KLF8: variants seen among roughly 807,000 people sequenced by gnomAD.
The protein encoded by KLF8 is KLF transcription factor 8.
Under a neutral mutation model 18.2 loss-of-function variants are expected in KLF8, and 10 were observed. The ratio of observed to expected loss-of-function variants is 0.55; its 90% CI spans 0.34 to 0.93. The LOEUF is 0.93. Ranked by LOEUF, KLF8 falls within the 40% of genes least tolerant of loss-of-function variation. KLF8 has a pLI of 0.02. For missense variants in KLF8, 264 were observed against 277.9 expected (o/e 0.95, Z 0.36); for synonymous variants, 109 against 97.3 (o/e 1.12, Z -0.71).
At chrX:56,051,598 C>G in the KLF8 span, among the ~76,000 whole-genome samples, 2 of 110,975 alleles carry the variant, frequency 1.8e-5, no homozygotes, top group Non-Finnish European at 3.8e-5. Context: ...ATATTGGCCC[C>G]CATTCTCTTC....
the KLF8 span, among the ~76,000 whole-genome samples, chrX:55,936,857 G>A: frequency 4.9e-5 from 2 of 41,026 alleles, no homozygotes; most frequent in African/African-American, 2.3e-4. Flanking sequence ...CGAGGCTTGA[G>A]TAGTAAACAA....
the KLF8 span, among the ~76,000 whole-genome samples, chrX:56,096,673 C>G: frequency 9.0e-6 from 1 of 110,523 alleles, no homozygotes; most frequent in Non-Finnish European, 1.9e-5. Flanking sequence ...GAAATTAATG[C>G]AATTGTAAAC....
At chrX:56,098,256 A>G in the KLF8 span, among the ~76,000 whole-genome samples, 1 of 112,136 alleles carries the variant, frequency 8.9e-6, no homozygotes, top group East Asian at 2.8e-4. Context: ...TTTTCCAGAC[A>G]TCAGAACTAT....
At chrX:56,041,434 G>T in the KLF8 span, among the ~76,000 whole-genome samples, 1 of 107,380 alleles carries the variant, frequency 9.3e-6, no homozygotes, top group Non-Finnish European at 1.9e-5. Context: ...ATTTTTTATT[G>T]TGTCTATTCT....
the KLF8 span, among the ~76,000 whole-genome samples, chrX:56,080,287 C>T: frequency 3.4e-4 from 38 of 110,647 alleles, no homozygotes; most frequent in South Asian, 1.2e-3. Context: ...TGGCTGGTAC[C>T]GGTTGTTCCT....
intron 1 of KLF8, among the ~76,000 whole-genome samples, chrX:56,238,987 G>A (rs189591686): frequency 8.1e-5 from 9 of 111,032 alleles, no homozygotes; most frequent in South Asian, 3.8e-4. Flanking sequence ...TTTTCCTCTC[G>A]TCTGGATTTC....
the KLF8 span, among the ~76,000 whole-genome samples, chrX:56,091,228 A>C: frequency 1.8e-5 from 2 of 110,883 alleles, no homozygotes; most frequent in Non-Finnish European, 3.8e-5. Flanking sequence ...GTGAGTTCTC[A>C]TGAGATCTGA....
At chrX:55,923,705 CGTGTGTGTGTGTGTGT>C in the KLF8 span, among the ~76,000 whole-genome samples, 2,185 of 98,009 alleles carry the variant, frequency 0.022, 32 homozygotes, top group Non-Finnish European at 0.033. Context: ...TAAAGATCCA[CGTGTGTGTGTGTGTGT>C]GTGTGTGTGT....
At chrX:55,956,131 A>T in the KLF8 span, among the ~76,000 whole-genome samples, 1 of 51,855 alleles carries the variant, frequency 1.9e-5, no homozygotes, top group Non-Finnish European at 3.2e-5. Context: ...CTATCTATTT[A>T]TCTATCTATC....
At chrX:56,130,798 A>T in the KLF8 span, among the ~76,000 whole-genome samples, 7 of 112,101 alleles carry the variant, frequency 6.2e-5, no homozygotes, top group Admixed American at 6.6e-4. Context: ...TGTGAAATAG[A>T]TAGCATAAAT....
chrX:56,264,859 A>T (rs965580488), intron 2 of KLF8, among the ~76,000 whole-genome samples: 7 of 112,148 alleles, frequency 6.2e-5, no homozygotes, highest in Non-Finnish European at 1.1e-4. Flanking sequence ...GTATGTACTT[A>T]TTGGCTGTAC....
chrX:56,187,183 A>C, the KLF8 span, among the ~76,000 whole-genome samples: 3 of 111,941 alleles, frequency 2.7e-5, no homozygotes, highest in Non-Finnish European at 5.6e-5. Flanking sequence ...AAAAATGATA[A>C]AGGGGATATC....
At chrX:56,092,366 G>GT in the KLF8 span, among the ~76,000 whole-genome samples, 49 of 111,538 alleles carry the variant, frequency 4.4e-4, no homozygotes, top group African/African-American at 1.4e-3. Flanking sequence ...TCTTACTCAT[G>GT]TTTTTTGTGT....
the KLF8 span, among the ~76,000 whole-genome samples, chrX:55,979,363 G>T: frequency 1.8e-5 from 2 of 111,580 alleles, no homozygotes; most frequent in Admixed American, 1.9e-4. Flanking sequence ...AGCTTTCTCA[G>T]TTCTCAGAAC....
At chrX:55,989,831 C>T in the KLF8 span, among the ~76,000 whole-genome samples, 1 of 111,247 alleles carries the variant, frequency 9.0e-6, no homozygotes, top group Non-Finnish European at 1.9e-5. Flanking sequence ...TCCATCTGGT[C>T]CTGGACTCTT....
chrX:56,005,777 T>A, the KLF8 span, among the ~76,000 whole-genome samples: 1 of 111,936 alleles, frequency 8.9e-6, no homozygotes, highest in Non-Finnish European at 1.9e-5. Flanking sequence ...CTGTGGGTGA[T>A]AGCATGCTGG....
chrX:56,173,223 A>G, the KLF8 span, among the ~76,000 whole-genome samples: 1 of 111,794 alleles, frequency 8.9e-6, no homozygotes, highest in Non-Finnish European at 1.9e-5. Context: ...TAGGGTTTTT[A>G]TGGTTTTGGG....
chrX:55,969,917 A>G, the KLF8 span, among the ~76,000 whole-genome samples: 1 of 111,437 alleles, frequency 9.0e-6, no homozygotes, highest in Non-Finnish European at 1.9e-5. Context: ...AGTAATAAGT[A>G]ATGAGATCAA....
the KLF8 span, among the ~76,000 whole-genome samples, chrX:56,116,063 T>C: frequency 8.8e-6 from 1 of 113,075 alleles, no homozygotes; most frequent in Non-Finnish European, 1.9e-5. Context: ...TCTTCCCTGA[T>C]TTGACTTTTT....
Sources: gnomAD v4.1 joint callset for allele counts (sites outside exome capture counted in the v4.1 genomes callset) on GRCh38, gnomAD v4.1.1 for gene constraint, MANE v1.5 for transcripts, NCBI Gene and HGNC (gene_info 2026-07-23, HGNC 2026-07-21) for gene names.